PNPLA8: variants seen among roughly 807,000 people sequenced by gnomAD.
PNPLA8 encodes the protein patatin like domain 8, phospholipase A2.
Under a neutral mutation model 76.9 loss-of-function variants are expected in PNPLA8, and 39 were observed. The ratio of observed to expected loss-of-function variants is 0.51; its 90% CI spans 0.39 to 0.66. PNPLA8 has a LOEUF of 0.66. PNPLA8 is among the 30% of genes least tolerant of loss of function. The pLI is 0.00. For missense variants in PNPLA8, 887 were observed against 918.0 expected, an observed-to-expected ratio of 0.97 and a Z score of 0.44; for synonymous variants, 301 against 307.9, an observed-to-expected ratio of 0.98 and a Z score of 0.24.
intron 2 of PNPLA8, among the ~76,000 whole-genome samples, chr7:108,515,941 T>C (rs914175676): frequency 2.6e-5 from 4 of 152,248 alleles, no homozygotes; most frequent in Admixed American, 6.5e-5. Context: ...CACTAGACTT[T>C]AATTCCTTGA....
chr7:108,510,233 A>G (rs1376017879), intron 4 of PNPLA8: 4 of 1,353,244 alleles, frequency 3.0e-6, no homozygotes, highest in Admixed American at 4.1e-5. Context: ...GGCTGGAACC[A>G]TGGTGGGTGT....
intron 4 of PNPLA8, 183 bp from the exon 5 acceptor site, chr7:108,502,825 A>T (rs112026691): frequency 6.7e-4 from 276 of 412,800 alleles, no homozygotes; most frequent in African/African-American, 4.1e-3. Context: ...TCTAGATTAC[A>T]TTTGTTCTAA....
At chr7:108,510,878 C>T (rs539335550) in intron 4 of PNPLA8, 165 of 1,592,494 alleles carry the variant, frequency 1.0e-4, no homozygotes, top group Non-Finnish European at 1.3e-4. Flanking sequence ...GTCTTCTCCA[C>T]GAGGTGGAAT....
intron 7 of PNPLA8, among the ~76,000 whole-genome samples, chr7:108,495,427 AAG>A (rs1861479619): frequency 1.3e-5 from 2 of 152,300 alleles, no homozygotes; most frequent in African/African-American, 4.8e-5. Context: ...GAATTTTGTA[AAG>A]AGAATGGATA....
chr7:108,498,947 T>C (rs997053605), intron 5 of PNPLA8, among the ~76,000 whole-genome samples: 1 of 152,176 alleles, frequency 6.6e-6, no homozygotes, highest in Non-Finnish European at 1.5e-5. Context: ...CTTGATAATG[T>C]TAACAAGAAG....
chr7:108,493,412 T>C (rs760643943), intron 7 of PNPLA8, among the ~76,000 whole-genome samples: 4 of 151,782 alleles, frequency 2.6e-5, no homozygotes, highest in Admixed American at 6.6e-5. Flanking sequence ...ATGAATTTTA[T>C]ATATATATAT....
At chr7:108,492,239 A>C (rs908816950) in intron 7 of PNPLA8, among the ~76,000 whole-genome samples, 2 of 152,204 alleles carry the variant, frequency 1.3e-5, no homozygotes, top group African/African-American at 2.4e-5. Flanking sequence ...GAACTTCATA[A>C]AAAGAATATT....
intron 4 of PNPLA8, chr7:108,510,811 C>A (rs770526174): frequency 6.2e-7 from 1 of 1,600,696 alleles, no homozygotes; most frequent in Non-Finnish European, 8.5e-7. Flanking sequence ...TTCATGAGAT[C>A]TATACTGTTG....
At chr7:108,523,731 G>A (rs40891) in intron 1 of PNPLA8, among the ~76,000 whole-genome samples, 60,817 of 151,942 alleles carry the variant, frequency 0.4, 12,707 homozygotes, top group African/African-American at 0.48. Context: ...TCAAACCTAC[G>A]GTGTTGTCGG....
chr7:108,479,401 A>G, intron 9 of PNPLA8, 22 bp from the exon 10 acceptor site: 1 of 1,565,348 alleles, frequency 6.4e-7, no homozygotes, highest in Non-Finnish European at 8.7e-7. Context: ...AAGTTAAAAA[A>G]AGAAACTTTT....
At chr7:108,519,433 A>G (rs749794721) in intron 2 of PNPLA8, among the ~76,000 whole-genome samples, 1 of 152,154 alleles carries the variant, frequency 6.6e-6, no homozygotes, top group Non-Finnish European at 1.5e-5. Flanking sequence ...CACAGATAGT[A>G]TGTGCAGAGA....
At chr7:108,475,001 C>T (rs563501399) in intron 10 of PNPLA8, among the ~76,000 whole-genome samples, 2 of 152,254 alleles carry the variant, frequency 1.3e-5, no homozygotes, top group African/African-American at 4.8e-5. Flanking sequence ...CACTCTCCAT[C>T]GCTTGCATTA....
At chr7:108,494,192 G>C (rs1861399415) in intron 7 of PNPLA8, among the ~76,000 whole-genome samples, 2 of 152,120 alleles carry the variant, frequency 1.3e-5, no homozygotes, top group Admixed American at 1.3e-4. Flanking sequence ...CTTCAGAGTA[G>C]AAAAGACTTA....
chr7:108,490,442 C>T (rs769297082), intron 8 of PNPLA8, among the ~76,000 whole-genome samples: 18 of 152,168 alleles, frequency 1.2e-4, no homozygotes, highest in Non-Finnish European at 2.1e-4. Flanking sequence ...TTAAGTGATG[C>T]ATGATTGTAT....
At chr7:108,481,609 G>A (rs1563935895) in intron 9 of PNPLA8, among the ~76,000 whole-genome samples, 1 of 152,162 alleles carries the variant, frequency 6.6e-6, no homozygotes, top group Non-Finnish European at 1.5e-5. Flanking sequence ...GAATTTGCAA[G>A]TATTTTCTTC....
At position 108,497,476 on chromosome 7, in the gene PNPLA8, T is replaced by G; in HGVS notation, c.1453+7A>C. On this transcript the variant is annotated splice_region_variant and intron_variant, in intron 6 of 10. Coordinates refer to ENST00000257694, the MANE Select transcript of PNPLA8 (RefSeq NM_001256007.3). Reference sequence around the variant, plus strand: ...AGAATGCACCACTTCCATATAATAATAATTACCTGTGCTTACACCACAAAT... The same window carrying G: ...AGAATGCACCACTTCCATATAATAAGAATTACCTGTGCTTACACCACAAAT... 1 of 1,543,812 alleles carries G rather than the reference T, an allele frequency of 6.5e-7. No individual in the cohort carries two copies. Among genetic ancestry groups the G allele is most frequent in the Non-Finnish European group, 8.9e-7 (1 of 1,122,240 alleles).
At chr7:108,507,428 C>A (rs929105661) in intron 4 of PNPLA8, among the ~76,000 whole-genome samples, 1 of 149,668 alleles carries the variant, frequency 6.7e-6, no homozygotes, top group Non-Finnish European at 1.5e-5. Context: ...GCAAGGCAGG[C>A]AGATTGCTTG....
intron 7 of PNPLA8, among the ~76,000 whole-genome samples, chr7:108,492,916 C>T (rs961541426): frequency 1.3e-5 from 2 of 152,158 alleles, no homozygotes; most frequent in Non-Finnish European, 2.9e-5. Context: ...TAAACTGAGG[C>T]TTGATAAGTG....
chr7:108,504,677 G>A (rs40851), intron 4 of PNPLA8, among the ~76,000 whole-genome samples: 60,866 of 152,030 alleles, frequency 0.4, 12,726 homozygotes, highest in African/African-American at 0.48. Context: ...CAACAACATT[G>A]AGAAGAACAA....
Sources: gnomAD v4.1 joint callset for allele counts (sites outside exome capture counted in the v4.1 genomes callset) on GRCh38, gnomAD v4.1.1 for gene constraint, MANE v1.5 for transcripts, NCBI Gene and HGNC (gene_info 2026-07-23, HGNC 2026-07-21) for gene names.